APLF: variants seen among roughly 807,000 people sequenced by gnomAD.
APLF encodes aprataxin and PNKP like factor.
APLF carries 61 observed loss-of-function variants against 55.6 expected under a neutral mutation model. The observed-to-expected ratio is 1.10, with a 90% CI of 0.89 to 1.36. The LOEUF (loss-of-function observed/expected upper bound fraction) is 1.36, where lower values mean the gene tolerates loss of function less well. APLF is among the 40% of genes most tolerant of loss of function. The pLI is 0.00. For synonymous variants in APLF, 207 were observed against 214.8 expected, an observed-to-expected ratio of 0.96 and a Z score of 0.32; for missense variants, 611 against 602.5, an observed-to-expected ratio of 1.01 and a Z score of -0.15.
intron 9 of APLF, among the ~76,000 whole-genome samples, chr2:68,569,793 G>A (rs1434993567): frequency 6.6e-6 from 1 of 152,142 alleles, no homozygotes; most frequent in Non-Finnish European, 1.5e-5. Flanking sequence ...CAACTAATCA[G>A]TTGGCTGTGA....
intron 1 of APLF, among the ~76,000 whole-genome samples, chr2:68,478,076 G>C (rs888540902): frequency 6.6e-6 from 1 of 151,162 alleles, no homozygotes; most frequent in Non-Finnish European, 1.5e-5. Context: ...CGTAAACCTT[G>C]ATTAACACAC....
At chr2:68,559,345 G>T (rs6740605) in intron 8 of APLF, among the ~76,000 whole-genome samples, 1 of 151,906 alleles carries the variant, frequency 6.6e-6, no homozygotes, top group Non-Finnish European at 1.5e-5. Context: ...GCAGAGCCAC[G>T]GGGCTCAGTT....
At chr2:68,519,053 A>ATATAATTAATATATAATAATAATATAATG (rs1669802616) in intron 5 of APLF, among the ~76,000 whole-genome samples, 1 of 127,854 alleles carries the variant, frequency 7.8e-6, no homozygotes, top group African/African-American at 2.9e-5. Flanking sequence ...ATAATATAAT[A>ATATAATTAATATATAATAATAATATAATG]TATAATTAAT....
chr2:68,501,110 G>A (rs1452795996), intron 2 of APLF, among the ~76,000 whole-genome samples: 1 of 152,106 alleles, frequency 6.6e-6, no homozygotes, highest in Non-Finnish European at 1.5e-5. Flanking sequence ...CCAAATTTGT[G>A]TCATCTCTGT....
At chr2:68,517,719 A>C (rs571755638) in intron 5 of APLF, among the ~76,000 whole-genome samples, 2 of 145,412 alleles carry the variant, frequency 1.4e-5, no homozygotes, top group African/African-American at 4.9e-5. Flanking sequence ...TCACTAATAT[A>C]TGTTAATATA....
At chr2:68,534,740 A>G (rs763428744) in intron 6 of APLF, among the ~76,000 whole-genome samples, 13 of 152,138 alleles carry the variant, frequency 8.5e-5, no homozygotes, top group Non-Finnish European at 1.5e-4. Flanking sequence ...GAAATAAGCA[A>G]TGTGGGATGC....
At chr2:68,475,669 A>C (rs1675748260) in intron 1 of APLF, among the ~76,000 whole-genome samples, 1 of 152,172 alleles carries the variant, frequency 6.6e-6, no homozygotes, top group Admixed American at 6.5e-5. Context: ...GTACATTCCA[A>C]ATACGATAAT....
At chr2:68,476,009 G>A (rs1250747672) in intron 1 of APLF, among the ~76,000 whole-genome samples, 1 of 150,462 alleles carries the variant, frequency 6.6e-6, no homozygotes, top group East Asian at 1.9e-4. Context: ...CATAATACTG[G>A]CTCAAATCCT....
chr2:68,494,328 C>T (rs1160123155), intron 2 of APLF, among the ~76,000 whole-genome samples: 1 of 148,822 alleles, frequency 6.7e-6, no homozygotes, highest in Non-Finnish European at 1.5e-5. Flanking sequence ...TTAATTGGCT[C>T]ATGGGCAAGC....
At chr2:68,475,538 A>G (rs769330349) in intron 1 of APLF, among the ~76,000 whole-genome samples, 2 of 152,192 alleles carry the variant, frequency 1.3e-5, no homozygotes, top group Non-Finnish European at 2.9e-5. Flanking sequence ...TTTCACATCA[A>G]ATATATTAAC....
At chr2:68,563,053 A>G in intron 8 of APLF, 1 of 985,242 alleles carries the variant, frequency 1.0e-6, no homozygotes, top group Non-Finnish European at 1.2e-6. Context: ...TTTCAGTGAA[A>G]TAGCTGGCAA....
chr2:68,478,500 A>G (rs1357223338), intron 1 of APLF, among the ~76,000 whole-genome samples: 1 of 152,206 alleles, frequency 6.6e-6, no homozygotes, highest in Non-Finnish European at 1.5e-5. Context: ...AAGCAAAGGG[A>G]GGGTAAAAGA....
rs1676462224 is a variant in APLF, at chr2:68,494,160, C to T, written c.168+3899C>T. ...GCGTGGTGGTGGGTGTCTGTAATCTCAGTTACTCGGGAGGCTGAGGCAGGA... is the reference window on the plus strand; with the variant it reads ...GCGTGGTGGTGGGTGTCTGTAATCTTAGTTACTCGGGAGGCTGAGGCAGGA... On this transcript the variant is annotated intron_variant, in intron 2 of 9. Coordinates refer to ENST00000303795, the MANE Select transcript of APLF (RefSeq NM_173545.3). 2.0e-5 allele frequency among the ~76,000 whole-genome samples: 3 copies of T among 149,700 alleles called. No homozygotes were observed. In the South Asian group the frequency reaches 6.3e-4, roughly 32 times the overall value.
intron 5 of APLF, among the ~76,000 whole-genome samples, chr2:68,519,829 A>G (rs1219019947): frequency 6.6e-6 from 1 of 151,676 alleles, no homozygotes; most frequent in Non-Finnish European, 1.5e-5. Context: ...CTGGGTAGTC[A>G]GCCAGTAGTG....
At chr2:68,508,005 G>A (rs553458660) in intron 3 of APLF, among the ~76,000 whole-genome samples, 2 of 151,646 alleles carry the variant, frequency 1.3e-5, no homozygotes, top group Non-Finnish European at 3.0e-5. Context: ...ATGATAATAT[G>A]CAAGTTTCAA....
intron 3 of APLF, among the ~76,000 whole-genome samples, chr2:68,509,705 A>G (rs1162586202): frequency 6.6e-6 from 1 of 152,166 alleles, no homozygotes; most frequent in Admixed American, 6.6e-5. Context: ...TGACCCAGCC[A>G]TCCCATTACT....
intron 9 of APLF, among the ~76,000 whole-genome samples, chr2:68,571,608 T>C (rs943899598): frequency 4.6e-5 from 7 of 152,220 alleles, no homozygotes; most frequent in Non-Finnish European, 7.3e-5. Flanking sequence ...TAGTTGTAGA[T>C]GTGTGGTGTT....
chr2:68,518,772 A>C (rs111214743), intron 5 of APLF, among the ~76,000 whole-genome samples: 24 of 106,824 alleles, frequency 2.2e-4, no homozygotes, highest in East Asian at 5.0e-4. Context: ...TATTAATAAT[A>C]TATCATTATA....
chr2:68,518,330 A>C (rs1432896979), intron 5 of APLF, among the ~76,000 whole-genome samples: 11 of 113,520 alleles, frequency 9.7e-5, no homozygotes, highest in Non-Finnish European at 1.8e-4. Flanking sequence ...TATATAATAT[A>C]TTAATAAATA....
Sources: allele counts gnomAD v4.1 joint callset (sites outside exome capture counted in the v4.1 genomes callset), GRCh38; gene constraint gnomAD v4.1.1; transcripts MANE v1.5; gene names NCBI Gene and HGNC (gene_info 2026-07-23, HGNC 2026-07-21).